PCDHA3: variants seen among roughly 807,000 people sequenced by gnomAD.
The protein encoded by PCDHA3 is protocadherin alpha 3.
Under a neutral mutation model 62.2 loss-of-function variants are expected in PCDHA3, and 41 were observed. The ratio of observed to expected loss-of-function variants is 0.66; its 90% CI spans 0.51 to 0.86. The LOEUF (loss-of-function observed/expected upper bound fraction) is 0.86. Among genes scored for constraint, PCDHA3 ranks in the 40% least tolerant of loss-of-function variants. The pLI is 0.00. For missense variants in PCDHA3, 1,304 were observed against 1,241.2 expected (o/e 1.05, Z -0.76); for synonymous variants, 640 against 555.4 (o/e 1.15, Z -2.14).
Position 141,009,940 on chromosome 5 carries a change from T to G in PCDHA3, c.*3T>G, listed in dbSNP as rs782531781. ...CGACTGACAACAGTGACCAGTGAGG[T>G]CCTCAAATGGAAACAAGCCACTTAG... On this transcript the variant is annotated 3_prime_UTR_variant, in exon 4 of 4. Transcript: ENST00000522353. 7 of 1,598,042 alleles carry G rather than the reference T, an allele frequency of 4.4e-6. No homozygotes were observed. The highest frequency in any genetic ancestry group is 4.3e-6 in the Non-Finnish European group (5 of 1,174,556).
At chr5:140,822,914 C>A (rs2150120305) in intron 1 of PCDHA3, 1 of 1,614,246 alleles carries the variant, frequency 6.2e-7, no homozygotes, top group Non-Finnish European at 8.5e-7. Context: ...GACTCAGGTG[C>A]CAACGGGCAG....
chr5:140,836,511 CTG>C, intron 1 of PCDHA3: 2 of 1,613,860 alleles, frequency 1.2e-6, no homozygotes, highest in Non-Finnish European at 1.7e-6. Flanking sequence ...GGTGTCCAGT[CTG>C]TTGGTGCTTA....
At position 140,851,914 on chromosome 5, in the gene PCDHA3, A is replaced by G. The variant is rs1213624827; in HGVS notation, c.2394+48323A>G. 6 of 969,578 alleles carry G rather than the reference A, an allele frequency of 6.2e-6. No individual in the cohort carries two copies. The African/African-American group carries it at 7.1e-5, about 11-fold the overall frequency. 60.1% of individuals were successfully genotyped at this position (969,578 alleles called of 1,614,324 possible). On this transcript the variant is annotated intron_variant, in intron 1 of 3. Coordinates refer to ENST00000522353, the MANE Select transcript of PCDHA3 (RefSeq NM_018906.3). ...AGATTTGCCTCTTTAATGTCACTAC[A>G]TGTTATGTTTCCTGAATTGTAGTAT... is the stretch of plus-strand genomic sequence containing the variant.
intron 1 of PCDHA3, chr5:140,815,383 G>T (rs1042802811): frequency 1.4e-4 from 21 of 152,028 alleles, no homozygotes; most frequent in African/African-American, 5.1e-4. Context: ...TGGTTACCAT[G>T]GGGCTTACAT....
chr5:140,981,755 A>G (rs868964961), intron 2 of PCDHA3, among the ~76,000 whole-genome samples: 12 of 152,222 alleles, frequency 7.9e-5, no homozygotes, highest in Admixed American at 3.3e-4. Context: ...TTAGTATTAG[A>G]CATACATAAA....
chr5:140,871,644 C>A, intron 1 of PCDHA3: 2 of 1,286,330 alleles, frequency 1.6e-6, no homozygotes, highest in Non-Finnish European at 2.1e-6. Flanking sequence ...CATAAAATAC[C>A]AAATGATACA....
intron 3 of PCDHA3, among the ~76,000 whole-genome samples, chr5:140,984,456 C>T (rs545706582): frequency 8.5e-5 from 13 of 152,286 alleles, no homozygotes; most frequent in African/African-American, 3.1e-4. Context: ...TTCTTACTGT[C>T]CCAGCCCCTC....
chr5:140,829,366 A>G (rs17853691), intron 1 of PCDHA3: 1 of 1,614,210 alleles, frequency 6.2e-7, no homozygotes. Context: ...AGTTGGTGGT[A>G]ACCGCGCGGG....
chr5:140,863,086 A>T, intron 1 of PCDHA3: 3 of 573,948 alleles, frequency 5.2e-6, no homozygotes, highest in South Asian at 4.1e-5. Flanking sequence ...GGGCGAGATC[A>T]GCACGACGAG....
chr5:140,842,383 C>T, intron 1 of PCDHA3: 2 of 1,610,796 alleles, frequency 1.2e-6, no homozygotes, highest in Non-Finnish European at 1.7e-6. Context: ...CACTGACTTC[C>T]TTATCCTTGC....
At chr5:140,888,870 A>G (rs2062015576) in intron 1 of PCDHA3, among the ~76,000 whole-genome samples, 1 of 152,158 alleles carries the variant, frequency 6.6e-6, no homozygotes, top group Non-Finnish European at 1.5e-5. Flanking sequence ...ATGTCTCAAC[A>G]TAAAAATTAA....
At chr5:140,829,599 C>G in intron 1 of PCDHA3, 8 of 1,612,030 alleles carry the variant, frequency 5.0e-6, no homozygotes, top group Non-Finnish European at 6.8e-6. Flanking sequence ...GGCGAGCGCG[C>G]GTTGTCGAGC....
rs1446194845 is a variant in PCDHA3 at position 140,858,041 on chromosome 5, C to T, written c.2394+54450C>T. 8 of 1,596,732 alleles carry T rather than the reference C, an allele frequency of 5.0e-6. No homozygotes were observed. The African/African-American group carries it at 6.8e-5, about 14-fold the overall frequency. On this transcript the variant is annotated intron_variant, in intron 1 of 3. Transcript: ENST00000522353. ...GTCGCTGACGGCCACGGCCACTGTG[C>T]TTGTGTCGCTTGTGGAGGGCAGCCA...
intron 1 of PCDHA3, chr5:140,808,928 G>T: frequency 6.2e-7 from 1 of 1,613,746 alleles, no homozygotes; most frequent in Non-Finnish European, 8.5e-7. Flanking sequence ...GAGCGAGCTG[G>T]TGCCATGGTC....
intron 1 of PCDHA3, among the ~76,000 whole-genome samples, chr5:140,846,106 A>G (rs1477023892): frequency 7.3e-5 from 11 of 149,704 alleles, no homozygotes; most frequent in African/African-American, 2.7e-4. Flanking sequence ...GAATGTGTAG[A>G]CTATCTTACT....
chr5:140,873,837 T>C (rs554313859), intron 1 of PCDHA3, among the ~76,000 whole-genome samples: 1 of 152,210 alleles, frequency 6.6e-6, no homozygotes, highest in South Asian at 2.1e-4. Context: ...ATTTTTGTAT[T>C]TTTAGTAGAG....
At chr5:140,966,811 G>T (rs377370256) in intron 1 of PCDHA3, 6 of 1,549,722 alleles carry the variant, frequency 3.9e-6, no homozygotes, top group African/African-American at 1.4e-5. Context: ...AGCATCCACG[G>T]CTCCGGCGGC....
intron 1 of PCDHA3, chr5:140,809,425 G>T: frequency 6.2e-7 from 1 of 1,614,230 alleles, no homozygotes; most frequent in Non-Finnish European, 8.5e-7. Context: ...GTGCGGTGGG[G>T]AGCTGGTCAT....
chr5:140,900,233 GT>G (rs1261263702), intron 1 of PCDHA3, among the ~76,000 whole-genome samples: 15 of 151,946 alleles, frequency 9.9e-5, no homozygotes, highest in African/African-American at 2.7e-4. Context: ...ACTGGATCTT[GT>G]TTTTTTTATG....
Sources: allele counts gnomAD v4.1 joint callset (sites outside exome capture counted in the v4.1 genomes callset), GRCh38; gene constraint gnomAD v4.1.1; transcripts MANE v1.5; gene names NCBI Gene and HGNC (gene_info 2026-07-23, HGNC 2026-07-21).